Variants in DHRSX observed in about 807,000 individuals in gnomAD.
DHRSX encodes dehydrogenase/reductase X-linked, also known as polyprenol dehydrogenase.
A neutral mutation model predicts 34.0 loss-of-function variants in DHRSX; 31 were observed. The ratio of observed to expected loss-of-function variants is 0.91; its 90% confidence interval spans 0.69 to 1.23. DHRSX has a LOEUF of 1.23. Ranked by LOEUF, DHRSX falls within the 50% of genes most tolerant of loss-of-function variation. The pLI is 0.00. For missense variants in DHRSX, 414 were observed against 428.1 expected, an observed-to-expected ratio of 0.97 and a Z score of 0.29; for synonymous variants, 201 against 183.8, an observed-to-expected ratio of 1.09 and a Z score of -0.76.
intron 3 of DHRSX, among the ~76,000 whole-genome samples, chrX:2,346,016 C>A (rs2042705159): frequency 6.6e-6 from 1 of 152,138 alleles, no homozygotes; most frequent in Non-Finnish European, 1.5e-5. Flanking sequence ...CTGCGGCACC[C>A]ACCTCCCGTG....
chrX:2,346,632 T>C (rs185433807), intron 3 of DHRSX, among the ~76,000 whole-genome samples: 289 of 140,738 alleles, frequency 2.1e-3, no homozygotes, highest in African/African-American at 7.5e-3. Flanking sequence ...TGTAGGGATG[T>C]TGTATGAGTC....
At chrX:2,250,076 C>A (rs1317386025) in intron 5 of DHRSX, among the ~76,000 whole-genome samples, 1 of 149,848 alleles carries the variant, frequency 6.7e-6, no homozygotes, top group African/African-American at 2.5e-5. Flanking sequence ...GCAGGAGAAT[C>A]GCTTGAACCC....
chrX:2,222,318 C>T (rs935063034), intron 6 of DHRSX, among the ~76,000 whole-genome samples: 9 of 152,218 alleles, frequency 5.9e-5, no homozygotes, highest in South Asian at 2.1e-4. Context: ...CTCTTTCCTC[C>T]CCAGAGGTCA....
At chrX:2,225,630 C>T (rs2057743419) in intron 6 of DHRSX, among the ~76,000 whole-genome samples, 1 of 150,656 alleles carries the variant, frequency 6.6e-6, no homozygotes, top group Admixed American at 6.6e-5. Context: ...CGTTTCTAAG[C>T]CACCCAGTCT....
intron 3 of DHRSX, among the ~76,000 whole-genome samples, chrX:2,295,740 C>T (rs181953970): frequency 7.2e-5 from 11 of 152,252 alleles, no homozygotes; most frequent in Admixed American, 6.5e-4. Context: ...CACAAAATGA[C>T]TCAGAAGCAA....
At chrX:2,297,070 G>A (rs906686273) in intron 3 of DHRSX, among the ~76,000 whole-genome samples, 10 of 152,108 alleles carry the variant, frequency 6.6e-5, no homozygotes, top group African/African-American at 2.2e-4. Flanking sequence ...CAAGCTGTGA[G>A]CATCATCTTG....
intron 3 of DHRSX, among the ~76,000 whole-genome samples, chrX:2,328,396 C>T (rs1341632302): frequency 1.3e-5 from 2 of 151,856 alleles, no homozygotes; most frequent in African/African-American, 4.8e-5. Flanking sequence ...ATGGCGTCTC[C>T]AAGCCCAGGA....
chrX:2,476,729 T>G lies in DHRSX; in HGVS notation c.109+24088A>C, dbSNP rs149311192. ...TTGAAAAAGAATGGGATTGACCAGG[T>G]GTGGAGACTCACACCTGTAATCCCA... On this transcript the variant is annotated intron_variant, in intron 1 of 6. Transcript: ENST00000334651. Among the ~76,000 whole-genome samples, 152 of 152,196 alleles carry G rather than the reference T, an allele frequency of 1.0e-3. 2 individuals carry two copies. In the East Asian group the frequency reaches 0.027, roughly 27 times the overall value.
At chrX:2,412,982 G>T (rs1438105533) in intron 2 of DHRSX, among the ~76,000 whole-genome samples, 1 of 152,134 alleles carries the variant, frequency 6.6e-6, no homozygotes, top group Non-Finnish European at 1.5e-5. Flanking sequence ...GGATCACAAG[G>T]TCAAGAGATC....
rs147370002 is a variant in DHRSX at position 2,326,629 on chromosome X, T to C, written c.287-35026A>G. Among the ~76,000 whole-genome samples, 323 of 152,172 alleles carry C rather than the reference T, an allele frequency of 2.1e-3. 1 individual carries two copies. The highest frequency in any genetic ancestry group is 7.0e-3 in the African/African-American group (291 of 41,534). On this transcript the variant is annotated intron_variant, in intron 3 of 6. Coordinates refer to ENST00000334651, the MANE Select transcript of DHRSX (RefSeq NM_145177.3). ...CTCCACCAGGTTCCCAGGGTGAAGA[T>C]CAAAGAAATATCCAGTTGTGTGTTA...
At chrX:2,437,696 A>AGTGTGT (rs1321073330) in intron 1 of DHRSX, among the ~76,000 whole-genome samples, 3 of 92,264 alleles carry the variant, frequency 3.3e-5, no homozygotes, top group African/African-American at 1.2e-4. Flanking sequence ...AGAGAGAGAG[A>AGTGTGT]GAGTGTGTGT....
intron 1 of DHRSX, among the ~76,000 whole-genome samples, chrX:2,463,212 A>AC (rs2044427442): frequency 6.6e-6 from 1 of 152,160 alleles, no homozygotes; most frequent in African/African-American, 2.4e-5. Context: ...CTACTCAGAG[A>AC]GGCTGTGGCA....
rs180937864 is a variant in DHRSX, at chrX:2,354,851, G to A, written c.286+53894C>T. Among the ~76,000 whole-genome samples, 59 of 152,230 alleles carry A rather than the reference G, an allele frequency of 3.9e-4. No individual in the cohort carries two copies. In the East Asian group the frequency reaches 4.3e-3, roughly 11 times the overall value. On this transcript the variant is annotated intron_variant, in intron 3 of 6. Coordinates refer to ENST00000334651, the MANE Select transcript of DHRSX (RefSeq NM_145177.3). ...ACGTGTGTCCATGTCTGAGGTCCAC[G>A]GGGCAAGGAGGAAAAAAGAACCAAC...
rs779036365 is a variant in DHRSX at position 2,229,579 on chromosome X, G to A, written c.805-8350C>T. 2.3e-4 allele frequency among the ~76,000 whole-genome samples: 35 copies of A among 152,050 alleles called. No homozygotes were observed. In the South Asian group the frequency reaches 7.1e-3, roughly 31 times the overall value. ...ATGTGTGCATGTGTGTGTGTGCACA[G>A]ATATGCATAGGTACGCATTTATGTG... On this transcript the variant is annotated intron_variant, in intron 6 of 6. Coordinates refer to ENST00000334651, the MANE Select transcript of DHRSX (RefSeq NM_145177.3).
intron 6 of DHRSX, 51 bp downstream of exon 6, chrX:2,242,972 C>G: frequency 6.3e-7 from 1 of 1,577,120 alleles, no homozygotes; most frequent in East Asian, 2.2e-5. Context: ...ACCCCCTTTC[C>G]TGTAGCATCT....
chrX:2,307,468 G>T (rs1436082311), intron 3 of DHRSX, among the ~76,000 whole-genome samples: 2 of 151,102 alleles, frequency 1.3e-5, no homozygotes, highest in Admixed American at 6.6e-5. Context: ...TTTTTTAAAA[G>T]AAAACAAACA....
chrX:2,233,798 G>T (rs748274496), intron 6 of DHRSX, among the ~76,000 whole-genome samples: 5 of 152,118 alleles, frequency 3.3e-5, no homozygotes, highest in African/African-American at 7.2e-5. Context: ...ACACAAAATA[G>T]AAGATAGAGT....
At chrX:2,448,450 A>G (rs1215386266) in intron 1 of DHRSX, among the ~76,000 whole-genome samples, 1 of 152,022 alleles carries the variant, frequency 6.6e-6, no homozygotes, top group Non-Finnish European at 1.5e-5. Context: ...CAAAATGACT[A>G]AAAGTAGATT....
At chrX:2,291,896 A>AT (rs928376249) in intron 3 of DHRSX, among the ~76,000 whole-genome samples, 8,436 of 96,026 alleles carry the variant, frequency 0.088, 980 homozygotes, top group African/African-American at 0.27. Context: ...GTATTTTTGT[A>AT]TTTTTTTTTT....
Sources: allele counts gnomAD v4.1 joint callset (sites outside exome capture counted in the v4.1 genomes callset), GRCh38; gene constraint gnomAD v4.1.1; transcripts MANE v1.5; gene names NCBI Gene and HGNC (gene_info 2026-07-23, HGNC 2026-07-21).